The following GRIP2 variants were observed in gnomAD, a reference collection of about 807,000 sequenced individuals.
The protein encoded by GRIP2 is glutamate receptor interacting protein 2, also known as glutamate receptor-interacting protein 2.
GRIP2 carries 58 observed loss-of-function variants against 108.3 expected under a neutral mutation model. The ratio of observed to expected loss-of-function variants is 0.54; its 90% CI spans 0.43 to 0.67. The LOEUF (loss-of-function observed/expected upper bound fraction) is 0.67. GRIP2 is among the 30% of genes least tolerant of loss of function. GRIP2 has a pLI of 0.00. For missense variants in GRIP2, 1,278 were observed against 1,430.6 expected (o/e 0.89, Z 1.72); for synonymous variants, 586 against 598.2 (o/e 0.98, Z 0.30).
At chr3:14,513,276 T>G (rs1694151434) in intron 13 of GRIP2, among the ~76,000 whole-genome samples, 1 of 152,202 alleles carries the variant, frequency 6.6e-6, no homozygotes, top group African/African-American at 2.4e-5. Flanking sequence ...AGTGAAAAGA[T>G]CGTTATCAAC....
the GRIP2 span, among the ~76,000 whole-genome samples, chr3:14,569,922 ACT>A: frequency 6.6e-6 from 1 of 151,944 alleles, no homozygotes; most frequent in Non-Finnish European, 1.5e-5. Flanking sequence ...AACTCATTTA[ACT>A]CTCACAAAAA....
intron 1 of GRIP2, among the ~76,000 whole-genome samples, chr3:14,538,779 T>C (rs1283814702): frequency 6.6e-6 from 1 of 152,188 alleles, no homozygotes; most frequent in Non-Finnish European, 1.5e-5. Context: ...ATTTGTGTTT[T>C]GGCAAGCTTC....
At chr3:14,592,459 G>A in the GRIP2 span, among the ~76,000 whole-genome samples, 2 of 152,288 alleles carry the variant, frequency 1.3e-5, no homozygotes, top group African/African-American at 4.8e-5. Flanking sequence ...ATCAGGCCCT[G>A]GGAAGCCTCT....
intron 1 of GRIP2, among the ~76,000 whole-genome samples, chr3:14,528,737 T>A (rs1192604677): frequency 6.6e-6 from 1 of 152,072 alleles, no homozygotes; most frequent in East Asian, 1.9e-4. Context: ...TGCAGAGGTA[T>A]CTTACTGTGA....
chr3:14,558,511 C>T (rs947876463), upstream of GRIP2, among the ~76,000 whole-genome samples: 1 of 152,176 alleles, frequency 6.6e-6, no homozygotes, highest in Non-Finnish European at 1.5e-5. Flanking sequence ...CTGAAATTGA[C>T]GTGTGGAGAG....
At chr3:14,546,072 G>A (rs945332555), upstream of GRIP2, among the ~76,000 whole-genome samples, 6 of 152,154 alleles carry the variant, frequency 3.9e-5, no homozygotes, top group African/African-American at 1.2e-4. Context: ...CAGAGTAGGC[G>A]ACCTTTAAGC....
chr3:14,552,502 C>T (rs1695166081), intron 1 of GRIP2, among the ~76,000 whole-genome samples: 4 of 152,182 alleles, frequency 2.6e-5, no homozygotes, highest in Admixed American at 2.6e-4. Flanking sequence ...TGACGTCTGT[C>T]GATTCTGCCC....
chr3:14,522,908 G>A lies in GRIP2; in HGVS notation c.566+92C>T. ...CCTCAGGGCCTCGATCTCTTCATCT[G>A]GGGAAGGGGCATGGTGACCCCACTC... On this transcript the variant is annotated intron_variant, in intron 6 of 23. Transcript: ENST00000621039. This position sits in a 1 kb window ranked among gnomAD's most constrained non-coding sequence, Gnocchi z 4.3. 1 of 1,038,050 alleles carries A rather than the reference G, an allele frequency of 9.6e-7. No homozygotes were observed. The highest frequency in any genetic ancestry group is 1.5e-6 in the Non-Finnish European group (1 of 657,884). The allele number at this position is 1,038,050 out of a possible 1,614,324, so 64.3% of individuals were successfully genotyped here. A position where few individuals can be genotyped will look rare whatever the true frequency, so the allele number is the denominator to read the frequency against.
Position 14,552,618 on chromosome 3 carries a change from T to TTC in GRIP2, c.55+3280_55+3281dup, listed in dbSNP as rs1251371341. On this transcript the variant is annotated intron_variant, in intron 1 of 23. Transcript: ENST00000637182. ...CCACAGCCAGAGCTTATTCTTTTCT[T>TTC]TCTCTCTCTCTCTCTCTTTTTTTTT... 5.7e-3 allele frequency among the ~76,000 whole-genome samples: 788 copies of TTC among 139,186 alleles called. 23 individuals carry two copies. The highest frequency in any genetic ancestry group is 0.026 in the East Asian group (124 of 4,732). The allele number at this position is 139,186 out of a possible 152,430, so 91.3% of individuals were successfully genotyped here.
At chr3:14,508,398 G>A (rs924938215) in intron 17 of GRIP2, among the ~76,000 whole-genome samples, 2 of 152,334 alleles carry the variant, frequency 1.3e-5, no homozygotes, top group South Asian at 2.1e-4. Context: ...TGATTCTGAG[G>A]AGCAGCCAGG....
In GRIP2 at chr3:14,504,303, T is replaced by C. The variant is rs1574994344; in HGVS notation, c.2574-632A>G. Among the ~76,000 whole-genome samples, 3 of 150,072 alleles carry C rather than the reference T, an allele frequency of 2.0e-5. No individual in the cohort carries two copies. In the East Asian group the frequency reaches 5.8e-4, roughly 29 times the overall value. On this transcript the variant is annotated intron_variant, in intron 20 of 23. Transcript: ENST00000621039. ...AGGCATGCTGTGATTTACAAAGCAC[T>C]TGCTTGTTTTTTTTTTTTTTTTTTT...
chr3:14,499,971 G>A (rs757806439), intron 21 of GRIP2, among the ~76,000 whole-genome samples: 28 of 152,216 alleles, frequency 1.8e-4, no homozygotes, highest in African/African-American at 6.0e-4. Flanking sequence ...GGCTACATGC[G>A]GCCCGTGGGC....
chr3:14,554,541 C>T (rs1470629313), intron 1 of GRIP2, among the ~76,000 whole-genome samples: 2 of 152,068 alleles, frequency 1.3e-5, no homozygotes, highest in African/African-American at 4.8e-5. Flanking sequence ...CTCCAGGCAC[C>T]AGCTGCTCTG....
chr3:14,518,746 G>A (rs1694325002), intron 9 of GRIP2, among the ~76,000 whole-genome samples: 1 of 152,158 alleles, frequency 6.6e-6, no homozygotes, highest in South Asian at 2.1e-4. Flanking sequence ...GCCCACTCTG[G>A]AGCCAGTTGC....
upstream of GRIP2, chr3:14,542,190 C>T: frequency 1.6e-6 from 1 of 637,320 alleles, no homozygotes; most frequent in African/African-American, 1.9e-5. Flanking sequence ...GCGTCTCACT[C>T]TGTCACCTGG....
the GRIP2 span, among the ~76,000 whole-genome samples, chr3:14,576,565 C>T: frequency 6.6e-6 from 1 of 152,246 alleles, no homozygotes; most frequent in Non-Finnish European, 1.5e-5. Flanking sequence ...GAACTTGATC[C>T]TCACAGCAGT....
At chr3:14,540,378 C>G, upstream of GRIP2, 1 of 1,611,150 alleles carries the variant, frequency 6.2e-7, no homozygotes, top group African/African-American at 1.3e-5. The surrounding 1 kb of genome is among the most constrained non-coding windows in gnomAD (Gnocchi z 4.1). Context: ...TCCCTCCCCT[C>G]CCCAGGGAGG....
rs981720261 is a variant in GRIP2 at position 14,504,317 on chromosome 3, T to G, written c.2574-646A>C. ...TTACAAAGCACTTGCTTGTTTTTTT[T>G]TTTTTTTTTTTTGAGACAGAGTCTT... On this transcript the variant is annotated intron_variant, in intron 20 of 23. Transcript: ENST00000621039. 1.5e-4 allele frequency among the ~76,000 whole-genome samples: 23 copies of G among 149,862 alleles called. 1 individual carries two copies. The highest frequency in any genetic ancestry group is 3.4e-3 in the Middle Eastern group (1 of 292).
intron 1 of GRIP2, among the ~76,000 whole-genome samples, chr3:14,532,181 GCC>G (rs1694725214): frequency 6.6e-6 from 1 of 152,198 alleles, no homozygotes; most frequent in African/African-American, 2.4e-5. Context: ...CGGCCCACGC[GCC>G]CTCCCATCCT....
Sources: allele counts gnomAD v4.1 joint callset (sites outside exome capture counted in the v4.1 genomes callset), GRCh38; gene constraint gnomAD v4.1.1; non-coding constraint Gnocchi (gnomAD v3.1); transcripts MANE v1.5; gene names NCBI Gene and HGNC (gene_info 2026-07-23, HGNC 2026-07-21).